The following ERBB4 variants were observed in gnomAD, a reference collection of about 807,000 sequenced individuals.
ERBB4 encodes the protein receptor tyrosine-protein kinase erbB-4.
Under a neutral mutation model 158.0 loss-of-function variants are expected in ERBB4, and 42 were observed. The observed-to-expected ratio is 0.27, with a 90% CI of 0.21 to 0.34. ERBB4 has a LOEUF of 0.34. ERBB4 is among the 10% of genes least tolerant of loss of function. The pLI is 1.00. For missense variants in ERBB4, 1,333 were observed against 1,624.1 expected (o/e 0.82, Z 3.08); for synonymous variants, 583 against 558.7 (o/e 1.04, Z -0.61).
chr2:211,599,197 C>A (rs1418004132), intron 19 of ERBB4, among the ~76,000 whole-genome samples: 3 of 152,120 alleles, frequency 2.0e-5, no homozygotes, highest in Non-Finnish European at 4.4e-5. Flanking sequence ...TAAGAAAAGT[C>A]TTTAAGCCAG....
intron 12 of ERBB4, among the ~76,000 whole-genome samples, chr2:211,684,904 A>T (rs6710649): frequency 0.55 from 83,920 of 151,932 alleles, 23,858 homozygotes; most frequent in Middle Eastern, 0.64. Flanking sequence ...AGGGAGACAA[A>T]TTTGAGGGTT....
intron 1 of ERBB4, among the ~76,000 whole-genome samples, chr2:212,513,939 A>G (rs545713921): frequency 7.2e-5 from 11 of 152,304 alleles, no homozygotes; most frequent in Non-Finnish European, 4.4e-5. Context: ...TAGTTACTAC[A>G]CTCCAAAATA....
intron 4 of ERBB4, chr2:211,779,346 T>G (rs1351432722): frequency 6.6e-6 from 1 of 152,210 alleles, no homozygotes; most frequent in African/African-American, 2.4e-5. Context: ...ACATATTATG[T>G]TGTAGCCCAT....
intron 20 of ERBB4, among the ~76,000 whole-genome samples, chr2:211,488,478 T>G (rs1244748660): frequency 6.6e-6 from 1 of 152,116 alleles, no homozygotes; most frequent in Non-Finnish European, 1.5e-5. Flanking sequence ...TGAATAAAGA[T>G]TTCTTAAAAT....
rs1438467699 is a variant in ERBB4 at position 211,602,694 on chromosome 2, T to C, written c.2301+16483A>G. Among the ~76,000 whole-genome samples the C allele has an allele frequency of 3.9e-5, 6 of 152,232 alleles. No individual in the cohort carries two copies. The East Asian group carries it at 7.8e-4, about 20-fold the overall frequency. The stretch of plus-strand genomic sequence containing the variant: ...ATTAAATGTCCCCCTCTTTAACCCA[T>C]AGTATGGATTGCATTCTATCTCCTG... On this transcript the variant is annotated intron_variant, in intron 19 of 27. Coordinates refer to ENST00000342788, the MANE Select transcript of ERBB4 (RefSeq NM_005235.3).
chr2:212,124,911 GA>G lies in ERBB4; in HGVS notation c.83-9del. 6.2e-7 allele frequency: 1 copy of G among 1,614,090 alleles called. No individual in the cohort carries two copies. ...TCTCCGTTCCTGCACACACTGCAAA[GA>G]CAAGAAGATACACGTGAAATTACAT... On this transcript the variant is annotated splice_polypyrimidine_tract_variant and intron_variant, in intron 1 of 27. Transcript: ENST00000342788.
intron 1 of ERBB4, among the ~76,000 whole-genome samples, chr2:212,228,288 T>C (rs2105974553): frequency 6.6e-6 from 1 of 152,260 alleles, no homozygotes; most frequent in East Asian, 1.9e-4. Context: ...CCAGTGTAAA[T>C]TTCTGTGGAG....
chr2:211,484,101 A>G (rs950900403), intron 20 of ERBB4, among the ~76,000 whole-genome samples: 1 of 152,204 alleles, frequency 6.6e-6, no homozygotes, highest in Non-Finnish European at 1.5e-5. Context: ...TACCACTTAA[A>G]GATAGACTGA....
At chr2:212,213,412 GA>G (rs1272440875) in intron 1 of ERBB4, among the ~76,000 whole-genome samples, 1 of 151,798 alleles carries the variant, frequency 6.6e-6, no homozygotes, top group African/African-American at 2.4e-5. Flanking sequence ...TATTGTCTTA[GA>G]AATGAGTAGA....
chr2:211,501,497 T>TA (rs71047178), intron 20 of ERBB4, among the ~76,000 whole-genome samples: 36,331 of 150,894 alleles, frequency 0.24, 4,843 homozygotes, highest in East Asian at 0.38. Context: ...CCATAAAAAT[T>TA]AAAAAAAACA....
intron 25 of ERBB4, among the ~76,000 whole-genome samples, chr2:211,388,854 A>G (rs2062742038): frequency 6.6e-6 from 1 of 152,220 alleles, no homozygotes; most frequent in African/African-American, 2.4e-5. Context: ...ATACAAAAAT[A>G]CATTAAACAC....
rs1280406020 is a variant in ERBB4 at position 211,788,179 on chromosome 2, A to G, written c.422-20T>C. On this transcript the variant is annotated intron_variant, in intron 3 of 27. Transcript: ENST00000342788. ...GGATTTCTGTATTAAAAAACAAATA[A>G]ACAAATTTTTTGTCAAACTGCTTGT... 6.2e-7 allele frequency: 1 copy of G among 1,602,824 alleles called. No individual in the cohort carries two copies. Among genetic ancestry groups the G allele is most frequent in the Admixed American group, 1.7e-5 (1 of 59,752 alleles).
intron 3 of ERBB4, among the ~76,000 whole-genome samples, chr2:211,927,800 GT>G (rs2080060371): frequency 6.6e-6 from 1 of 151,758 alleles, no homozygotes; most frequent in Non-Finnish European, 1.5e-5. Flanking sequence ...AAGGAAGTTT[GT>G]CCCTTCCATC....
At chr2:211,632,460 T>G (rs964723809) in intron 16 of ERBB4, among the ~76,000 whole-genome samples, 4 of 152,100 alleles carry the variant, frequency 2.6e-5, no homozygotes, top group African/African-American at 9.6e-5. Flanking sequence ...TTGAGACTAA[T>G]GTCCAACATT....
chr2:211,880,919 T>C (rs922014706), intron 3 of ERBB4, among the ~76,000 whole-genome samples: 2 of 152,188 alleles, frequency 1.3e-5, no homozygotes, highest in East Asian at 1.9e-4. Context: ...AACAATTTAA[T>C]GGCACAAGTA....
At chr2:211,978,396 G>GTCTGTCTGTCTGTCTGTCTA (rs77259627) in intron 2 of ERBB4, among the ~76,000 whole-genome samples, 5 of 136,560 alleles carry the variant, frequency 3.7e-5, no homozygotes, top group East Asian at 4.2e-4. Flanking sequence ...CTGTCTGTCT[G>GTCTGTCTGTCTGTCTGTCTA]TCTATCTATC....
At chr2:212,317,215 C>T (rs2087328608) in intron 1 of ERBB4, among the ~76,000 whole-genome samples, 2 of 151,390 alleles carry the variant, frequency 1.3e-5, no homozygotes, top group Non-Finnish European at 3.0e-5. Flanking sequence ...CAATCAAAAA[C>T]ATAGGCTAAA....
At chr2:212,313,453 T>C (rs1324252501) in intron 1 of ERBB4, among the ~76,000 whole-genome samples, 1 of 149,972 alleles carries the variant, frequency 6.7e-6, no homozygotes, top group African/African-American at 2.5e-5. Context: ...CTAATTCTGG[T>C]ATATATATAT....
chr2:211,764,493 A>T (rs1239581807), intron 4 of ERBB4, among the ~76,000 whole-genome samples: 1 of 152,214 alleles, frequency 6.6e-6, no homozygotes, highest in East Asian at 1.9e-4. Flanking sequence ...TAAATATATT[A>T]CAATTTTATT....
Sources: allele counts gnomAD v4.1 joint callset (sites outside exome capture counted in the v4.1 genomes callset), GRCh38; gene constraint gnomAD v4.1.1; transcripts MANE v1.5; gene names NCBI Gene and HGNC (gene_info 2026-07-23, HGNC 2026-07-21).